ATP9A: variants seen among roughly 807,000 people sequenced by gnomAD.
The protein encoded by ATP9A is ATPase phospholipid transporting 9A.
Under a neutral mutation model 144.1 loss-of-function variants are expected in ATP9A, and 52 were observed. That is an observed-to-expected ratio of 0.36 (90% CI 0.29 to 0.45). ATP9A has a LOEUF of 0.45. ATP9A is among the 20% of genes least tolerant of loss of function. ATP9A has a pLI of 1.00. For synonymous variants in ATP9A, 582 were observed against 557.4 expected (o/e 1.04, Z -0.62); for missense variants, 947 against 1,392.7 (o/e 0.68, Z 5.09).
chr20:51,723,461 C>T (rs2077698110), intron 3 of ATP9A, among the ~76,000 whole-genome samples: 1 of 151,874 alleles, frequency 6.6e-6, no homozygotes, highest in South Asian at 2.1e-4. Context: ...GTAGTCCCAG[C>T]CACACAGGGG....
intron 24 of ATP9A, among the ~76,000 whole-genome samples, chr20:51,609,554 C>T (rs1010898272): frequency 6.6e-6 from 1 of 152,138 alleles, no homozygotes; most frequent in Non-Finnish European, 1.5e-5. Context: ...TCCTGAAGTT[C>T]CAGGTCAGTA....
chr20:51,618,095 C>T (rs1464882249), intron 21 of ATP9A, among the ~76,000 whole-genome samples: 3 of 152,074 alleles, frequency 2.0e-5, no homozygotes, highest in Non-Finnish European at 4.4e-5. Flanking sequence ...TGGTGCACGC[C>T]TGCAGTCCCA....
intron 26 of ATP9A, 52 bp downstream of exon 26, chr20:51,607,475 C>A (rs1188676521): frequency 2.7e-6 from 4 of 1,495,072 alleles, no homozygotes; most frequent in Non-Finnish European, 3.7e-6. Context: ...AAGGGGACAC[C>A]CTGAGTCAGT....
At chr20:51,660,745 C>T (rs1205241953) in intron 13 of ATP9A, among the ~76,000 whole-genome samples, 1 of 152,226 alleles carries the variant, frequency 6.6e-6, no homozygotes, top group Non-Finnish European at 1.5e-5. Context: ...CTGTCTTAGG[C>T]CTGGCCTTCA....
chr20:51,619,434 G>A (rs1046851476), intron 19 of ATP9A, among the ~76,000 whole-genome samples: 3 of 151,882 alleles, frequency 2.0e-5, no homozygotes, highest in Non-Finnish European at 2.9e-5. Context: ...ATGGTGGTGG[G>A]TGCCTGTAAT....
In ATP9A at chr20:51,631,118, G is replaced by A. The variant is rs190409474; in HGVS notation, c.1669-2046C>T. ...TTCTTTGGTTTCAGGCTCCTTTGGAGGCCACTTTGTCTATGCAGCCCTTTC... is the reference window on the plus strand; with the variant it reads ...TTCTTTGGTTTCAGGCTCCTTTGGAAGCCACTTTGTCTATGCAGCCCTTTC... On this transcript the variant is annotated intron_variant, in intron 15 of 27. Transcript: ENST00000338821. Among the ~76,000 whole-genome samples, 25 of 152,318 alleles carry A rather than the reference G, an allele frequency of 1.6e-4. No individual in the cohort carries two copies. The East Asian group carries it at 3.7e-3, about 22-fold the overall frequency.
At chr20:51,722,460 A>G (rs1424101768) in intron 3 of ATP9A, among the ~76,000 whole-genome samples, 1 of 152,156 alleles carries the variant, frequency 6.6e-6, no homozygotes, top group African/African-American at 2.4e-5. Flanking sequence ...AAGGACTAAC[A>G]TCCAGAATCT....
intron 13 of ATP9A, among the ~76,000 whole-genome samples, chr20:51,662,007 A>T (rs2077412875): frequency 6.6e-6 from 1 of 152,160 alleles, no homozygotes; most frequent in Non-Finnish European, 1.5e-5. Context: ...CTGTGAGGGG[A>T]CAGGGGTACT....
At chr20:51,657,623 T>C (rs759968106) in intron 13 of ATP9A, among the ~76,000 whole-genome samples, 46 of 152,184 alleles carry the variant, frequency 3.0e-4, no homozygotes, top group Non-Finnish European at 5.9e-5. Context: ...TGACAAGATA[T>C]GTCACCAAAT....
At chr20:51,627,181 AT>A (rs1294632872) in intron 17 of ATP9A, among the ~76,000 whole-genome samples, 1 of 150,728 alleles carries the variant, frequency 6.6e-6, no homozygotes, top group African/African-American at 2.4e-5. Context: ...TTAAAAAAAA[AT>A]ATATGAACAG....
At position 51,618,657 on chromosome 20, in the gene ATP9A, C is replaced by G; in HGVS notation, c.2350+5G>C. 1 of 1,609,650 alleles carries G rather than the reference C, an allele frequency of 6.2e-7. No homozygotes were observed. Among genetic ancestry groups the G allele is most frequent in the South Asian group, 1.1e-5 (1 of 90,958 alleles). On this transcript the variant is annotated splice_donor_5th_base_variant and intron_variant, in intron 21 of 27. Coordinates refer to ENST00000338821, the MANE Select transcript of ATP9A (RefSeq NM_006045.3). ...GGCCAGCAGCACAGCCTGAGCCTCG[C>G]CTACCTACTGCACAGGTGAGCTTGC...
intron 23 of ATP9A, among the ~76,000 whole-genome samples, chr20:51,612,179 C>T (rs949074238): frequency 8.5e-5 from 13 of 152,070 alleles, no homozygotes; most frequent in Non-Finnish European, 1.2e-4. Flanking sequence ...GTGGGAAGAC[C>T]GAGGCCTAGA....
intron 15 of ATP9A, among the ~76,000 whole-genome samples, chr20:51,631,344 T>G (rs2077268967): frequency 6.6e-6 from 1 of 152,218 alleles, no homozygotes; most frequent in African/African-American, 2.4e-5. Flanking sequence ...TGCCTGCTCT[T>G]GACGCAGGCC....
intron 17 of ATP9A, 125 bp from the exon 18 acceptor site, chr20:51,625,487 G>A: frequency 9.0e-7 from 1 of 1,108,072 alleles, no homozygotes; most frequent in Non-Finnish European, 1.3e-6. Context: ...CCCAGCAGGT[G>A]AGCTGGACCC....
intron 1 of ATP9A, among the ~76,000 whole-genome samples, chr20:51,736,891 A>G (rs1340940587): frequency 6.6e-6 from 1 of 152,176 alleles, no homozygotes. Context: ...GGAGTAGGGT[A>G]CTAGGGTACA....
intron 9 of ATP9A, among the ~76,000 whole-genome samples, chr20:51,687,774 AAAATGAAT>A (rs1207884354): frequency 3.3e-5 from 4 of 120,336 alleles, no homozygotes; most frequent in African/African-American, 1.1e-4. Context: ...AAAAAAAAAA[AAAATGAAT>A]GAATGAATGA....
chr20:51,748,323 G>T (rs1284324717), intron 1 of ATP9A, among the ~76,000 whole-genome samples: 3 of 152,138 alleles, frequency 2.0e-5, no homozygotes, highest in African/African-American at 7.2e-5. Flanking sequence ...AAGAAAGAAG[G>T]AGGTGGAGAA....
At chr20:51,627,401 G>A (rs1407372006) in intron 17 of ATP9A, among the ~76,000 whole-genome samples, 199 bp downstream of exon 17, 1 of 152,204 alleles carries the variant, frequency 6.6e-6, no homozygotes, top group Admixed American at 6.5e-5. Context: ...AAGAAGCGAG[G>A]AAATGGGCCA....
intron 2 of ATP9A, among the ~76,000 whole-genome samples, chr20:51,729,271 G>A (rs967425529): frequency 6.6e-6 from 1 of 152,112 alleles, no homozygotes; most frequent in Admixed American, 6.6e-5. Flanking sequence ...AAATACATGT[G>A]AAGTTACTCT....
Sources: gnomAD v4.1 joint callset for allele counts (sites outside exome capture counted in the v4.1 genomes callset) on GRCh38, gnomAD v4.1.1 for gene constraint, MANE v1.5 for transcripts, NCBI Gene and HGNC (gene_info 2026-07-23, HGNC 2026-07-21) for gene names.